FBXW7: variants seen among roughly 807,000 people sequenced by gnomAD.
FBXW7 encodes the protein F-box/WD repeat-containing protein 7.
Under a neutral mutation model 86.3 loss-of-function variants are expected in FBXW7, and 11 were observed. That is an observed-to-expected ratio of 0.13 (90% CI 0.08 to 0.21). The LOEUF is 0.21. FBXW7 is among the 10% of genes least tolerant of loss of function. The pLI is 1.00. For synonymous variants in FBXW7, 313 were observed against 297.9 expected (o/e 1.05, Z -0.52); for missense variants, 488 against 847.4 (o/e 0.58, Z 5.27).
At position 152,411,651 on chromosome 4, in the gene FBXW7, C is replaced by T. The variant is rs912558434; in HGVS notation, c.153G>A (p.Glu51=). 5 of 1,613,846 alleles carry T rather than the reference C, an allele frequency of 3.1e-6. No homozygotes were observed. In the African/African-American group the frequency reaches 4.0e-5, roughly 13 times the overall value. Residue 51 remains glutamate (E), a synonymous_variant, in exon 4 of 14, where the codon GAG becomes GAA. Coordinates refer to ENST00000281708, the MANE Select transcript of FBXW7 (RefSeq NM_001349798.2). The part of the protein sequence containing the change: ...QQQQLRQQEE[E]HTARNGEVVG... ...CAACTTCACCATTCCTTGCAGTGTG[C>T]TCCTCCTCTTGTTGTCTGAGTTGCT...
At chr4:152,424,668 A>G (rs1356191692) in intron 2 of FBXW7, among the ~76,000 whole-genome samples, 2 of 152,212 alleles carry the variant, frequency 1.3e-5, no homozygotes, top group African/African-American at 4.8e-5. Context: ...AGAGTTTTGT[A>G]ACTAGCAACA....
intron 7 of FBXW7, among the ~76,000 whole-genome samples, chr4:152,333,743 G>C: frequency 6.6e-6 from 1 of 152,022 alleles, no homozygotes; most frequent in East Asian, 1.9e-4. Flanking sequence ...CTTTCCCAAT[G>C]ACTTTGCATA....
At chr4:152,399,540 G>T (rs1034487120) in intron 4 of FBXW7, among the ~76,000 whole-genome samples, 3 of 151,770 alleles carry the variant, frequency 2.0e-5, no homozygotes, top group Admixed American at 6.6e-5. Context: ...GTCTTTTTTG[G>T]CACATGACAT....
At chr4:152,457,757 G>A (rs1345890838) in intron 2 of FBXW7, among the ~76,000 whole-genome samples, 2 of 150,254 alleles carry the variant, frequency 1.3e-5, no homozygotes, top group East Asian at 3.9e-4. Flanking sequence ...TTCTCTAGTA[G>A]AATCCTAACA....
chr4:152,431,195 T>G (rs1354588446), intron 2 of FBXW7, among the ~76,000 whole-genome samples: 2 of 152,214 alleles, frequency 1.3e-5, no homozygotes, highest in African/African-American at 4.8e-5. Flanking sequence ...AAAAGCAGTG[T>G]GGATATACCT....
intron 4 of FBXW7, among the ~76,000 whole-genome samples, chr4:152,357,582 A>G (rs1055220341): frequency 2.6e-5 from 4 of 152,110 alleles, no homozygotes; most frequent in African/African-American, 4.8e-5. Flanking sequence ...CAGCCTCCCA[A>G]GGTGCTGGGA....
At chr4:152,429,654 A>G (rs1405934131) in intron 2 of FBXW7, among the ~76,000 whole-genome samples, 1 of 152,130 alleles carries the variant, frequency 6.6e-6, no homozygotes, top group Non-Finnish European at 1.5e-5. Flanking sequence ...TGAGTTTCAA[A>G]CTTGGTAGTG....
chr4:152,530,682 A>C (rs1397076964), intron 2 of FBXW7: 1 of 152,252 alleles, frequency 6.6e-6, no homozygotes, highest in South Asian at 2.1e-4. Context: ...CTAGAAAACA[A>C]AGACCACCAA....
chr4:152,526,172 T>C (rs924653881), intron 2 of FBXW7, among the ~76,000 whole-genome samples: 5 of 152,342 alleles, frequency 3.3e-5, no homozygotes, highest in East Asian at 3.9e-4. Context: ...TAAGTTCTTA[T>C]AGACGTTGGA....
intron 2 of FBXW7, among the ~76,000 whole-genome samples, chr4:152,505,194 G>A (rs979335819): frequency 6.6e-6 from 1 of 152,014 alleles, no homozygotes; most frequent in Non-Finnish European, 1.5e-5. Context: ...AATGTAAAAC[G>A]GTGCATCTGT....
intron 4 of FBXW7, among the ~76,000 whole-genome samples, chr4:152,394,053 T>C (rs916279101): frequency 6.6e-6 from 1 of 152,254 alleles, no homozygotes; most frequent in African/African-American, 2.4e-5. Flanking sequence ...CTATGTCAGA[T>C]ACAGCTAGAA....
At chr4:152,492,845 T>C (rs1745991447) in intron 2 of FBXW7, among the ~76,000 whole-genome samples, 1 of 152,078 alleles carries the variant, frequency 6.6e-6, no homozygotes, top group African/African-American at 2.4e-5. Context: ...GGGATTATTA[T>C]GAGTTCAGAT....
At chr4:152,387,622 A>C (rs1735641705) in intron 4 of FBXW7, among the ~76,000 whole-genome samples, 1 of 151,564 alleles carries the variant, frequency 6.6e-6, no homozygotes, top group African/African-American at 2.4e-5. Flanking sequence ...AAAAAAAAAA[A>C]AACATCCAGC....
At chr4:152,412,207 CTA>C (rs1333000593) in intron 3 of FBXW7, among the ~76,000 whole-genome samples, 3 of 152,114 alleles carry the variant, frequency 2.0e-5, no homozygotes, top group African/African-American at 7.2e-5. Context: ...AGTTCATAGA[CTA>C]TATCCTATAT....
At chr4:152,514,243 C>T (rs553264545) in intron 2 of FBXW7, among the ~76,000 whole-genome samples, 143 of 152,204 alleles carry the variant, frequency 9.4e-4, no homozygotes, top group African/African-American at 3.3e-3. Context: ...TTTGAGTCTT[C>T]CCTTGGGGTT....
chr4:152,391,801 T>A (rs1417931739), intron 4 of FBXW7, among the ~76,000 whole-genome samples: 1 of 152,146 alleles, frequency 6.6e-6, no homozygotes, highest in East Asian at 1.9e-4. Flanking sequence ...TGCCAGGTAG[T>A]AGAGTTGAGA....
At chr4:152,454,257 C>A (rs894308533) in intron 2 of FBXW7, among the ~76,000 whole-genome samples, 4 of 129,226 alleles carry the variant, frequency 3.1e-5, no homozygotes, top group Non-Finnish European at 4.9e-5. Flanking sequence ...CTAAGCCCCC[C>A]CCCCCTTTTT....
intron 4 of FBXW7, among the ~76,000 whole-genome samples, chr4:152,400,467 G>C (rs139617520): frequency 6.6e-6 from 1 of 151,890 alleles, no homozygotes; most frequent in Non-Finnish European, 1.5e-5. Flanking sequence ...TCAGCCTCTC[G>C]GGTTGCTAAG....
Position 152,491,847 on chromosome 4 carries a change from CCT to C in FBXW7, c.-120+43092_-120+43093del, listed in dbSNP as rs373268083. Reference sequence around the variant, plus strand: ...CTTCTTTCATCTACACCTCCCACTCCCTGTCACCTAACTCAATTATTTCTATA... The same window carrying C: ...CTTCTTTCATCTACACCTCCCACTCCGTCACCTAACTCAATTATTTCTATA... On this transcript the variant is annotated intron_variant, in intron 2 of 13. Transcript: ENST00000281708. 3.9e-5 allele frequency among the ~76,000 whole-genome samples: 6 copies of C among 152,300 alleles called. No individual in the cohort carries two copies. In the South Asian group the frequency reaches 1.0e-3, roughly 26 times the overall value.
Sources: gnomAD v4.1 joint callset for allele counts (sites outside exome capture counted in the v4.1 genomes callset) on GRCh38, gnomAD v4.1.1 for gene constraint, MANE v1.5 for transcripts, NCBI Gene and HGNC (gene_info 2026-07-23, HGNC 2026-07-21) for gene names.